Variants in YTHDC1 observed in about 807,000 individuals in gnomAD.
The protein encoded by YTHDC1 is YTH N6-methyladenosine RNA binding protein C1.
In YTHDC1, 12 loss-of-function variants were observed where a neutral mutation model predicts 107.0. That is an observed-to-expected ratio of 0.11 (90% CI 0.07 to 0.18). The LOEUF (loss-of-function observed/expected upper bound fraction) is 0.18, where lower values mean the gene tolerates loss of function less well. YTHDC1 is among the 10% of genes least tolerant of loss of function. YTHDC1 has a pLI of 1.00. For missense variants in YTHDC1, 635 were observed against 898.8 expected (o/e 0.71, Z 3.75); for synonymous variants, 280 against 289.5 (o/e 0.97, Z 0.33).
chr4:68,345,936 G>A (rs1315561121), intron 1 of YTHDC1, among the ~76,000 whole-genome samples: 1 of 151,870 alleles, frequency 6.6e-6, no homozygotes, highest in African/African-American at 2.4e-5. Flanking sequence ...TATGTAGTAG[G>A]TTATGCCACC....
intron 9 of YTHDC1, 132 bp from the exon 10 acceptor site, chr4:68,324,355 TAA>T: frequency 1.5e-5 from 10 of 668,588 alleles, no homozygotes; most frequent in South Asian, 2.4e-5. Context: ...TTACAGTGGT[TAA>T]TTCCCTATAG....
intron 1 of YTHDC1, among the ~76,000 whole-genome samples, chr4:68,343,598 T>C (rs932018956): frequency 6.8e-6 from 1 of 148,058 alleles, no homozygotes; most frequent in Non-Finnish European, 1.5e-5. Context: ...TGCAGTGACA[T>C]GATCTCAACT....
intron 1 of YTHDC1, among the ~76,000 whole-genome samples, chr4:68,340,447 CA>C (rs1224696082): frequency 2.0e-5 from 3 of 151,814 alleles, no homozygotes; most frequent in Non-Finnish European, 4.4e-5. Flanking sequence ...TATTTAAAAT[CA>C]AGATATGTCA....
chr4:68,323,065 T>C (rs886502683), intron 10 of YTHDC1, 150 bp from the exon 11 acceptor site: 4 of 681,084 alleles, frequency 5.9e-6, no homozygotes, highest in Middle Eastern at 8.4e-4. Context: ...TCCAGATTTA[T>C]AAAACATTTA....
chr4:68,321,822 A>G (rs1039838994), intron 11 of YTHDC1, among the ~76,000 whole-genome samples: 3 of 150,728 alleles, frequency 2.0e-5, no homozygotes, highest in African/African-American at 7.3e-5. Context: ...CTTTAGCAGA[A>G]TATTTTAGAT....
chr4:68,337,313 C>T lies in YTHDC1; in HGVS notation c.597G>A (p.Glu199=). The part of the protein sequence containing the change: ...GSSDEQGNNT[E]NEEEGVEEDV... ...CTTCTTCCACTCCTTCCTCCTCATT[C>T]TCAGTGTTGTTCCCTTGCTCATCAG... is the stretch of plus-strand genomic sequence containing the variant. The change falls in exon 4 of 17, where the codon GAG becomes GAA. Residue 199 remains glutamate (E), a synonymous_variant. Coordinates refer to ENST00000344157, the MANE Select transcript of YTHDC1 (RefSeq NM_001031732.4). 3 of 1,614,018 alleles carry T rather than the reference C, an allele frequency of 1.9e-6. No individual in the cohort carries two copies. The highest frequency in any genetic ancestry group is 2.2e-5 in the South Asian group (2 of 91,074).
chr4:68,338,205 A>G lies in YTHDC1; in HGVS notation c.130+78T>C, dbSNP rs1724443249. 5 of 1,398,086 alleles carry G rather than the reference A, an allele frequency of 3.6e-6. No individual in the cohort carries two copies. The South Asian group carries it at 6.7e-5, about 19-fold the overall frequency. 86.6% of individuals were successfully genotyped at this position (1,398,086 alleles called of 1,614,324 possible). A position where few individuals can be genotyped will look rare whatever the true frequency, so the allele number is the denominator to read the frequency against. ...CCTCAAGGAACAAGCACAAAAAAGC[A>G]CAGTCATTTTTTTTAAGAAATTGAA... is the stretch of plus-strand genomic sequence containing the variant. On this transcript the variant is annotated intron_variant, in intron 2 of 16. Coordinates refer to ENST00000344157, the MANE Select transcript of YTHDC1 (RefSeq NM_001031732.4).
At chr4:68,318,275 T>C (rs2109681727) in intron 15 of YTHDC1, among the ~76,000 whole-genome samples, 1 of 152,302 alleles carries the variant, frequency 6.6e-6, no homozygotes, top group South Asian at 2.1e-4. Flanking sequence ...ATGTTTTTTG[T>C]ATTTTTAGTA....
chr4:68,337,983 C>A, intron 2 of YTHDC1, 83 bp from the exon 3 acceptor site: 1 of 1,502,548 alleles, frequency 6.7e-7, no homozygotes, highest in Non-Finnish European at 8.8e-7. Context: ...ATAATATATA[C>A]ATCAGGAAGG....
At chr4:68,327,649 T>C (rs1175583204) in intron 9 of YTHDC1, among the ~76,000 whole-genome samples, 2 of 152,186 alleles carry the variant, frequency 1.3e-5, no homozygotes. Flanking sequence ...CTAATAATTA[T>C]TATATCTGCA....
At chr4:68,334,611 G>A (rs1015489913) in intron 4 of YTHDC1, among the ~76,000 whole-genome samples, 1 of 152,064 alleles carries the variant, frequency 6.6e-6, no homozygotes, top group Non-Finnish European at 1.5e-5. Flanking sequence ...GTTCTGACAT[G>A]TTTCTTCTAA....
chr4:68,317,406 T>C (rs1405273528), intron 15 of YTHDC1, among the ~76,000 whole-genome samples: 2 of 152,244 alleles, frequency 1.3e-5, no homozygotes, highest in Non-Finnish European at 2.9e-5. Context: ...TAAAACTGTA[T>C]ACCTTAAAAG....
At chr4:68,320,102 G>T (rs1480541088) in intron 12 of YTHDC1, 21 bp downstream of exon 12, 9 of 1,544,854 alleles carry the variant, frequency 5.8e-6, no homozygotes, top group Non-Finnish European at 7.9e-6. Flanking sequence ...TCAAATATCT[G>T]CAGGATTATA....
intron 15 of YTHDC1, 25 bp downstream of exon 15, chr4:68,318,494 C>G: frequency 6.3e-7 from 1 of 1,576,734 alleles, no homozygotes; most frequent in Non-Finnish European, 8.6e-7. Context: ...AGTTATGTAA[C>G]TTATAAAAAT....
At position 68,310,786 on chromosome 4, in the gene YTHDC1, G is replaced by C. The variant is rs936162842; in HGVS notation, c.*3313C>G. 5 of 152,142 alleles carry C rather than the reference G, an allele frequency of 3.3e-5. No homozygotes were observed. The highest frequency in any genetic ancestry group is 9.7e-5 in the African/African-American group (4 of 41,416). 9.4% of individuals were successfully genotyped at this position (152,142 alleles called of 1,614,324 possible). ...CTCTAGCTTGGTCAGTTAACTGCTG[G>C]CAACAGTTCCTTCTTCAATTCCATG... On this transcript the variant is annotated 3_prime_UTR_variant, in exon 17 of 17. Transcript: ENST00000344157.
At chr4:68,315,498 T>G (rs2109674999) in intron 16 of YTHDC1, among the ~76,000 whole-genome samples, 1 of 152,250 alleles carries the variant, frequency 6.6e-6, no homozygotes, top group African/African-American at 2.4e-5. Context: ...AATTCTAACT[T>G]GCATATCCTA....
chr4:68,335,586 A>G (rs1418208256), intron 4 of YTHDC1, among the ~76,000 whole-genome samples: 1 of 152,134 alleles, frequency 6.6e-6, no homozygotes, highest in Non-Finnish European at 1.5e-5. Flanking sequence ...TGTTTAATGT[A>G]AACAATACAA....
In YTHDC1 at chr4:68,311,557, T is replaced by G. The variant is rs1436472212; in HGVS notation, c.*2542A>C. 6.6e-6 allele frequency: 1 copy of G among 152,172 alleles called. No individual in the cohort carries two copies. The highest frequency in any genetic ancestry group is 2.4e-5 in the African/African-American group (1 of 41,444). The allele number at this position is 152,172 out of a possible 1,614,324, so 9.4% of individuals were successfully genotyped here. ...CAAAAGCTGTCATGTGTACGAATAT[T>G]AAATAAAACATACTGATTTTTATAT... is the stretch of plus-strand genomic sequence containing the variant. On this transcript the variant is annotated 3_prime_UTR_variant, in exon 17 of 17. Coordinates refer to ENST00000344157, the MANE Select transcript of YTHDC1 (RefSeq NM_001031732.4).
At chr4:68,340,627 C>T (rs1163113192) in intron 1 of YTHDC1, among the ~76,000 whole-genome samples, 1 of 151,992 alleles carries the variant, frequency 6.6e-6, no homozygotes, top group Non-Finnish European at 1.5e-5. Flanking sequence ...GGTCAAAGCT[C>T]ACTAATCAGT....
Sources: gnomAD v4.1 joint callset for allele counts (sites outside exome capture counted in the v4.1 genomes callset) on GRCh38, gnomAD v4.1.1 for gene constraint, MANE v1.5 for transcripts, NCBI Gene and HGNC (gene_info 2026-07-23, HGNC 2026-07-21) for gene names.